YPEL1: variants seen among roughly 807,000 people sequenced by gnomAD.
The protein encoded by YPEL1 is yippee like 1, also known as protein yippee-like 1.
YPEL1 carries 7 observed loss-of-function variants against 17.3 expected under a neutral mutation model. The ratio of observed to expected loss-of-function variants is 0.40; its 90% CI spans 0.23 to 0.76. YPEL1 has a LOEUF of 0.76. Among genes scored for constraint, YPEL1 ranks in the 30% least tolerant of loss-of-function variants. The pLI is 0.35. For missense variants in YPEL1, 91 were observed against 155.5 expected (o/e 0.59, Z 2.21); for synonymous variants, 59 against 59.6 (o/e 0.99, Z 0.05).
chr22:21,729,388 C>G (rs941375305), intron 1 of YPEL1, among the ~76,000 whole-genome samples: 15 of 150,934 alleles, frequency 9.9e-5, no homozygotes, highest in African/African-American at 3.7e-4. Flanking sequence ...GGGAAGATTA[C>G]TTGAGGCCAG....
intron 1 of YPEL1, among the ~76,000 whole-genome samples, chr22:21,728,953 G>T (rs1339663199): frequency 6.6e-6 from 1 of 152,136 alleles, no homozygotes; most frequent in Non-Finnish European, 1.5e-5. Flanking sequence ...GACCAGCCTG[G>T]CCAACATGGT....
intron 4 of YPEL1, 88 bp from the exon 5 acceptor site, chr22:21,701,306 A>G (rs545858158): frequency 4.6e-5 from 45 of 980,670 alleles, no homozygotes; most frequent in Middle Eastern, 5.8e-4. Context: ...CCCCAAGTCT[A>G]TACTATGAAC....
intron 1 of YPEL1, among the ~76,000 whole-genome samples, chr22:21,729,573 G>C (rs2068368545): frequency 6.6e-6 from 1 of 152,044 alleles, no homozygotes; most frequent in Admixed American, 6.6e-5. Context: ...TGCACTCCAG[G>C]CTGGGCGACA....
intron 1 of YPEL1, among the ~76,000 whole-genome samples, chr22:21,717,173 C>G (rs545656762): frequency 2.0e-5 from 3 of 151,920 alleles, no homozygotes; most frequent in African/African-American, 4.8e-5. Flanking sequence ...GTCAGGAGTT[C>G]GAGACCAGCC....
At chr22:21,721,102 T>C (rs1601637678) in intron 1 of YPEL1, among the ~76,000 whole-genome samples, 1 of 151,252 alleles carries the variant, frequency 6.6e-6, no homozygotes, top group African/African-American at 2.4e-5. Context: ...TGAGCCACTG[T>C]ACCTGGCCAA....
intron 1 of YPEL1, among the ~76,000 whole-genome samples, chr22:21,716,452 C>T (rs1052906621): frequency 2.6e-5 from 4 of 152,402 alleles, no homozygotes; most frequent in African/African-American, 7.2e-5. Context: ...GCCCTGAAAA[C>T]ATCTGCCCCC....
At position 21,710,652 on chromosome 22, in the gene YPEL1, G is replaced by A; in HGVS notation, c.93C>T (p.Ala31=). Residue 31 remains alanine, a synonymous_variant, in exon 2 of 5, where the codon GCC becomes GCT. Transcript: ENST00000339468. The stretch of plus-strand genomic sequence containing the variant: ...CCTTGGAGATGAGCTCGTCATGATT[G>A]GCCAGGTGTGCTCTGCAGTGGATAC... The part of the protein sequence containing the change: ...YSCIHCRAHL[A]NHDELISKSF... 1 of 1,614,226 alleles carries A rather than the reference G, an allele frequency of 6.2e-7. No homozygotes were observed. Among genetic ancestry groups the A allele is most frequent in the South Asian group, 1.1e-5 (1 of 91,088 alleles).
chr22:21,707,296 A>G (rs925915357), intron 2 of YPEL1, among the ~76,000 whole-genome samples: 1 of 152,178 alleles, frequency 6.6e-6, no homozygotes, highest in African/African-American at 2.4e-5. Flanking sequence ...GCACACCTGT[A>G]GTCCCAGCTA....
chr22:21,723,971 A>G (rs530853276), intron 1 of YPEL1, among the ~76,000 whole-genome samples: 167 of 151,836 alleles, frequency 1.1e-3, no homozygotes, highest in African/African-American at 3.9e-3. Flanking sequence ...CTGGCCTGGG[A>G]TTTTATTTTT....
At chr22:21,712,725 C>CAAA (rs33967845) in intron 1 of YPEL1, among the ~76,000 whole-genome samples, 2 of 89,614 alleles carry the variant, frequency 2.2e-5, no homozygotes, top group Admixed American at 1.3e-4. Flanking sequence ...GACTACATCT[C>CAAA]AAAAAAAAAA....
chr22:21,713,439 C>T (rs2068190629), intron 1 of YPEL1, among the ~76,000 whole-genome samples: 1 of 152,132 alleles, frequency 6.6e-6, no homozygotes, highest in African/African-American at 2.4e-5. Flanking sequence ...CAGCCTTTAA[C>T]AGGAGGGGGC....
At chr22:21,705,887 T>C (rs2090610940) in intron 2 of YPEL1, among the ~76,000 whole-genome samples, 1 of 151,888 alleles carries the variant, frequency 6.6e-6, no homozygotes, top group Non-Finnish European at 1.5e-5. Context: ...CCCAGCACTT[T>C]GGGGGGCCGA....
At chr22:21,721,034 C>G (rs2068276725) in intron 1 of YPEL1, among the ~76,000 whole-genome samples, 1 of 151,930 alleles carries the variant, frequency 6.6e-6, no homozygotes, top group African/African-American at 2.4e-5. Flanking sequence ...TGGTCTCAAA[C>G]TCCTGGCCTC....
intron 1 of YPEL1, among the ~76,000 whole-genome samples, chr22:21,724,575 T>TAG (rs1335145413): frequency 2.0e-5 from 3 of 146,376 alleles, no homozygotes; most frequent in African/African-American, 7.7e-5. Flanking sequence ...TTTTTTTCTT[T>TAG]TTTTTTTTTT....
At chr22:21,728,536 C>T (rs776387095) in intron 1 of YPEL1, among the ~76,000 whole-genome samples, 1 of 152,094 alleles carries the variant, frequency 6.6e-6, no homozygotes, top group Non-Finnish European at 1.5e-5. Context: ...ATGGGGAAAC[C>T]GAAGTCCAAA....
chr22:21,731,361 G>A (rs991737185), intron 1 of YPEL1, among the ~76,000 whole-genome samples: 3 of 151,614 alleles, frequency 2.0e-5, no homozygotes, highest in East Asian at 1.9e-4. Flanking sequence ...AAGGGGAGGT[G>A]TAGGAACTAT....
rs1164742226 is a variant in YPEL1, at chr22:21,703,142, G to A, written c.270+228C>T. On this transcript the variant is annotated intron_variant, in intron 4 of 4. Coordinates refer to ENST00000339468, the MANE Select transcript of YPEL1 (RefSeq NM_013313.5). This position sits in a 1 kb window ranked among gnomAD's most constrained non-coding sequence, Gnocchi z 6.1. ...GGAAGAAACAGGGCTTGAAAACATG[G>A]TGTTTTTGTTTTTTGTTTTGGGTTG... Among the ~76,000 whole-genome samples the A allele has an allele frequency of 6.6e-6, 1 of 152,136 alleles. No homozygotes were observed. The highest frequency in any genetic ancestry group is 1.5e-5 in the Non-Finnish European group (1 of 68,022).
At chr22:21,714,118 C>T (rs917373858) in intron 1 of YPEL1, among the ~76,000 whole-genome samples, 3 of 151,920 alleles carry the variant, frequency 2.0e-5, no homozygotes, top group South Asian at 2.1e-4. Flanking sequence ...ACACCCAGGA[C>T]GGCGTCTGCC....
chr22:21,728,885 G>A (rs1202000692), intron 1 of YPEL1, among the ~76,000 whole-genome samples: 1 of 152,164 alleles, frequency 6.6e-6, no homozygotes, highest in African/African-American at 2.4e-5. Flanking sequence ...GCTCACGCCT[G>A]TAATCCCAGC....
Sources: allele counts gnomAD v4.1 joint callset (sites outside exome capture counted in the v4.1 genomes callset), GRCh38; gene constraint gnomAD v4.1.1; non-coding constraint Gnocchi (gnomAD v3.1); transcripts MANE v1.5; gene names NCBI Gene and HGNC (gene_info 2026-07-23, HGNC 2026-07-21).